Variants in TMPO observed in about 807,000 individuals in gnomAD.
The protein encoded by TMPO is thymopoietin.
A neutral mutation model predicts 45.4 loss-of-function variants in TMPO; 22 were observed. That is an observed-to-expected ratio of 0.48 (90% CI 0.35 to 0.69). The LOEUF (loss-of-function observed/expected upper bound fraction) is 0.69, where lower values mean the gene tolerates loss of function less well. Ranked by LOEUF, TMPO falls within the 30% of genes least tolerant of loss-of-function variation. The pLI is 0.01. For synonymous variants in TMPO, 241 were observed against 204.1 expected, an observed-to-expected ratio of 1.18 and a Z score of -1.54; for missense variants, 512 against 548.8, an observed-to-expected ratio of 0.93 and a Z score of 0.67.
intron 3 of TMPO, chr12:98,534,311 A>G (rs755662574): frequency 1.2e-6 from 2 of 1,613,012 alleles, no homozygotes; most frequent in Non-Finnish European, 1.7e-6. Flanking sequence ...GAAGTATGCA[A>G]AGTAATTAAA....
intron 1 of TMPO, chr12:98,516,422 G>A (rs1875827918): frequency 8.5e-7 from 1 of 1,173,114 alleles, no homozygotes; most frequent in Middle Eastern, 3.4e-4. Flanking sequence ...AGTCGACGCC[G>A]CTTCCCTGGA....
At position 98,534,748 on chromosome 12, in the gene TMPO, ATGT is replaced by A. The variant is rs893485450; in HGVS notation, c.566-2722_566-2720del. Reference sequence around the variant, plus strand: ...CATTTGTTACACATTCAGAACAGTGATGTTGTTCTTTTTGATACTTTTATCTCA... The same window carrying A: ...CATTTGTTACACATTCAGAACAGTGATGTTCTTTTTGATACTTTTATCTCA... On this transcript the variant is annotated intron_variant, in intron 3 of 8. Coordinates refer to ENST00000556029, the MANE Select transcript of TMPO (RefSeq NM_001032283.3). The A allele has an allele frequency of 1.6e-4, 166 of 1,016,792 alleles. No individual in the cohort carries two copies. In the African/African-American group the frequency reaches 2.7e-3, roughly 17 times the overall value. The allele number at this position is 1,016,792 out of a possible 1,614,324, so 63.0% of individuals were successfully genotyped here.
chr12:98,522,850 CTG>C (rs1383361702), intron 1 of TMPO, among the ~76,000 whole-genome samples: 5 of 152,096 alleles, frequency 3.3e-5, no homozygotes, highest in African/African-American at 1.2e-4. Flanking sequence ...TTTTAGGACT[CTG>C]TAAGTTAATG....
At chr12:98,516,218 GC>G in intron 1 of TMPO, 72 bp downstream of exon 1, 3 of 1,313,842 alleles carry the variant, frequency 2.3e-6, no homozygotes, top group Non-Finnish European at 2.9e-6. Flanking sequence ...GCCGTTTGCA[GC>G]CCCTCCCTCC....
chr12:98,526,011 C>CA (rs1176373071), intron 1 of TMPO, among the ~76,000 whole-genome samples: 4 of 152,206 alleles, frequency 2.6e-5, no homozygotes, highest in African/African-American at 9.6e-5. Flanking sequence ...CTGTTTGCCA[C>CA]AGCCTTAAAA....
At position 98,534,203 on chromosome 12, in the gene TMPO, G is replaced by A; in HGVS notation, c.565+2365G>A. 1 of 1,613,954 alleles carries A rather than the reference G, an allele frequency of 6.2e-7. No homozygotes were observed. ...CATACCATGGGAAATGCCACTGTAG[G>A]TCGTCGATACCTCTGGCTGAAGGAT... On this transcript the variant is annotated intron_variant, in intron 3 of 8. Transcript: ENST00000556029.
chr12:98,532,925 C>A (rs201119852), intron 3 of TMPO: 3 of 1,613,930 alleles, frequency 1.9e-6, no homozygotes, highest in East Asian at 4.5e-5. Flanking sequence ...CAGGGTATTT[C>A]TTTTCCTGAA....
rs750420116 is a variant in TMPO, at chr12:98,533,214, T to G, written c.565+1376T>G. 2 of 1,613,920 alleles carry G rather than the reference T, an allele frequency of 1.2e-6. No homozygotes were observed. The highest frequency in any genetic ancestry group is 2.7e-5 in the African/African-American group (2 of 74,912). On this transcript the variant is annotated intron_variant, in intron 3 of 8. Transcript: ENST00000556029. ...CTTCACTGATTAAAGAAACCACCAC[T>G]GGTTACTATAAAGACATAGTAGAAA...
chr12:98,522,172 A>T (rs1009895665), intron 1 of TMPO, among the ~76,000 whole-genome samples: 1 of 152,096 alleles, frequency 6.6e-6, no homozygotes, highest in Non-Finnish European at 1.5e-5. Flanking sequence ...GTGTGCCACC[A>T]TGCCTAGCTG....
At chr12:98,533,574 A>G in intron 3 of TMPO, 1 of 1,614,188 alleles carries the variant, frequency 6.2e-7, no homozygotes, top group East Asian at 2.2e-5. Flanking sequence ...CAGTGGAGGA[A>G]AGGGATTCAG....
intron 3 of TMPO, 121 bp from the exon 4 acceptor site, chr12:98,537,354 C>A (rs1462852259): frequency 1.9e-5 from 14 of 742,548 alleles, no homozygotes; most frequent in Non-Finnish European, 3.1e-5. Flanking sequence ...GAGGTATTAC[C>A]AGTAGACTTG....
Position 98,548,705 on chromosome 12 carries a change from G to GT in TMPO, c.*849dup, listed in dbSNP as rs1322973241. On this transcript the variant is annotated 3_prime_UTR_variant, in exon 9 of 9. Coordinates refer to ENST00000556029, the MANE Select transcript of TMPO (RefSeq NM_001032283.3). ...TAAGTGTGTGTATGTTTGTTTAGAA[G>GT]TTAGAAATTGTAAACACTGGTCTTA... is the stretch of plus-strand genomic sequence containing the variant. 1.3e-5 allele frequency: 2 copies of GT among 152,194 alleles called. No homozygotes were observed. Among genetic ancestry groups the GT allele is most frequent in the Non-Finnish European group, 2.9e-5 (2 of 68,028 alleles). 9.4% of individuals were successfully genotyped at this position (152,194 alleles called of 1,614,324 possible). A position where few individuals can be genotyped will look rare whatever the true frequency, so the allele number is the denominator to read the frequency against.
At position 98,547,981 on chromosome 12, in the gene TMPO, A is replaced by G. The variant is rs1827966318; in HGVS notation, c.*123A>G. 13 of 1,175,254 alleles carry G rather than the reference A, an allele frequency of 1.1e-5. No individual in the cohort carries two copies. The highest frequency in any genetic ancestry group is 1.5e-5 in the African/African-American group (1 of 64,576). The allele number at this position is 1,175,254 out of a possible 1,614,324, so 72.8% of individuals were successfully genotyped here. ...GTGATTTCGCCTCAATAAATGTAGT[A>G]TTTCATTGAAAAGCAAACAAAATAT... On this transcript the variant is annotated 3_prime_UTR_variant, in exon 9 of 9. Transcript: ENST00000556029.
rs532630831 is a variant in TMPO at position 98,542,798 on chromosome 12, C to G, written c.664-1432C>G. On this transcript the variant is annotated intron_variant, in intron 4 of 8. Transcript: ENST00000556029. ...ACTTGAACCTCGCAGGTGGAGGTTG[C>G]GGTGAGTGGAGATTGCACCACTGTA... 3.3e-5 allele frequency among the ~76,000 whole-genome samples: 5 copies of G among 152,118 alleles called. No homozygotes were observed. The East Asian group carries it at 9.7e-4, about 29-fold the overall frequency.
intron 1 of TMPO, among the ~76,000 whole-genome samples, chr12:98,519,709 TAGTC>T (rs1485508170): frequency 6.6e-6 from 1 of 152,188 alleles, no homozygotes; most frequent in Non-Finnish European, 1.5e-5. Context: ...AAAATATTGG[TAGTC>T]AGCGTCATTT....
chr12:98,538,687 T>C (rs1592951162), intron 4 of TMPO, among the ~76,000 whole-genome samples: 2 of 152,110 alleles, frequency 1.3e-5, no homozygotes, highest in Non-Finnish European at 1.5e-5. Flanking sequence ...CTTAGAGGAA[T>C]TATTCTTGAT....
intron 3 of TMPO, chr12:98,535,731 C>T: frequency 1.2e-6 from 1 of 855,626 alleles, no homozygotes; most frequent in Non-Finnish European, 1.4e-6. Context: ...TCCATTTCAT[C>T]ATTGAAACTC....
At chr12:98,527,336 AAAAAAAAAAAAAAAC>A (rs1469481138) in intron 1 of TMPO, among the ~76,000 whole-genome samples, 16 of 30,036 alleles carry the variant, frequency 5.3e-4, no homozygotes, top group African/African-American at 2.1e-3. Flanking sequence ...CCATCTCTAC[AAAAAAAAAAAAAAAC>A]AAAAAAAAAA....
intron 3 of TMPO, chr12:98,534,567 A>G (rs1162119005): frequency 7.5e-7 from 1 of 1,327,746 alleles, no homozygotes; most frequent in Non-Finnish European, 9.7e-7. Flanking sequence ...AACGCTTTCT[A>G]GATCACATAT....
Sources: allele counts gnomAD v4.1 joint callset (sites outside exome capture counted in the v4.1 genomes callset), GRCh38; gene constraint gnomAD v4.1.1; transcripts MANE v1.5; gene names NCBI Gene and HGNC (gene_info 2026-07-23, HGNC 2026-07-21).